The following MAL2 variants were observed in gnomAD, a reference collection of about 807,000 sequenced individuals.
MAL2 encodes protein MAL2.
In MAL2, 17 loss-of-function variants were observed where a neutral mutation model predicts 18.1. The observed-to-expected ratio is 0.94, with a 90% confidence interval of 0.64 to 1.41. The LOEUF (loss-of-function observed/expected upper bound fraction) is 1.41, where lower values mean the gene tolerates loss of function less well. Among genes scored for constraint, MAL2 ranks in the 40% most tolerant of loss-of-function variants. MAL2 has a pLI of 0.00. For synonymous variants in MAL2, 102 were observed against 102.3 expected (o/e 1.00, Z 0.02); for missense variants, 222 against 231.9 (o/e 0.96, Z 0.28).
chr8:119,237,879 A>G (rs1817946060), intron 2 of MAL2, among the ~76,000 whole-genome samples: 1 of 152,194 alleles, frequency 6.6e-6, no homozygotes, highest in Non-Finnish European at 1.5e-5. Flanking sequence ...AAACTGGCAC[A>G]AGACAGGGAT....
At chr8:119,222,898 A>C (rs1468340336) in intron 2 of MAL2, among the ~76,000 whole-genome samples, 2 of 152,076 alleles carry the variant, frequency 1.3e-5, no homozygotes, top group Non-Finnish European at 2.9e-5. Flanking sequence ...AATTAGATCA[A>C]CTTTTTGTTT....
intron 2 of MAL2, among the ~76,000 whole-genome samples, chr8:119,234,939 A>G (rs1385388992): frequency 1.3e-5 from 2 of 152,156 alleles, no homozygotes; most frequent in Non-Finnish European, 2.9e-5. Flanking sequence ...CTCACCAGCA[A>G]CGGAACAAAG....
chr8:119,220,275 TATC>T (rs1414058109), intron 1 of MAL2, among the ~76,000 whole-genome samples: 1 of 152,236 alleles, frequency 6.6e-6, no homozygotes, highest in African/African-American at 2.4e-5. Context: ...TACCAACTAT[TATC>T]ATGTCTACTT....
chr8:119,213,015 G>A (rs1183752806), intron 1 of MAL2, among the ~76,000 whole-genome samples: 1 of 152,190 alleles, frequency 6.6e-6, no homozygotes, highest in Non-Finnish European at 1.5e-5. Flanking sequence ...GGCAGGAAGA[G>A]CAGTTAGGGG....
chr8:119,237,091 A>T (rs1361491774), intron 2 of MAL2, among the ~76,000 whole-genome samples: 3 of 152,220 alleles, frequency 2.0e-5, no homozygotes, highest in Admixed American at 2.0e-4. Flanking sequence ...ACACAATAAA[A>T]AATGACAAAG....
At chr8:119,212,632 C>T (rs960609) in intron 1 of MAL2, among the ~76,000 whole-genome samples, 11,522 of 152,232 alleles carry the variant, frequency 0.076, 585 homozygotes, top group Middle Eastern at 0.14. Flanking sequence ...TAGAGTACAT[C>T]TGACTTCTGG....
chr8:119,230,786 G>A (rs368053671), intron 2 of MAL2, among the ~76,000 whole-genome samples: 7 of 152,114 alleles, frequency 4.6e-5, no homozygotes, highest in African/African-American at 1.7e-4. Context: ...ATTAAAAATG[G>A]TGACATTTGA....
intron 1 of MAL2, among the ~76,000 whole-genome samples, chr8:119,212,963 C>T (rs977716061): frequency 1.3e-5 from 2 of 152,108 alleles, no homozygotes; most frequent in Non-Finnish European, 2.9e-5. Flanking sequence ...GTCTTAGAAA[C>T]CTTTGAGTGA....
intron 1 of MAL2, among the ~76,000 whole-genome samples, chr8:119,214,027 G>C (rs1210474270): frequency 1.3e-5 from 2 of 152,188 alleles, no homozygotes; most frequent in African/African-American, 4.8e-5. Context: ...ATAGAGAAGA[G>C]ATTTGTTTTG....
chr8:119,229,253 C>A (rs1425425270), intron 2 of MAL2, among the ~76,000 whole-genome samples: 2 of 151,672 alleles, frequency 1.3e-5, no homozygotes. Flanking sequence ...ATGGCCCTGA[C>A]AAGTACAGTA....
chr8:119,232,530 AACAT>A (rs1470456083), intron 2 of MAL2, among the ~76,000 whole-genome samples: 1 of 152,188 alleles, frequency 6.6e-6, no homozygotes, highest in African/African-American at 2.4e-5. Flanking sequence ...GAATGTCAGC[AACAT>A]ACAAAGAAGC....
chr8:119,227,321 GTTA>G lies in MAL2; in HGVS notation c.303+5567_303+5569del, dbSNP rs1306284627. ...GCTTTTTGTGCATTTTGTTGTTGTT[GTTA>G]TTGTTTAAGGGAAAGGGGAGATAAC... On this transcript the variant is annotated intron_variant, in intron 2 of 3. Transcript: ENST00000614891. Among the ~76,000 whole-genome samples, 5 of 152,222 alleles carry G rather than the reference GTTA, an allele frequency of 3.3e-5. No homozygotes were observed. The East Asian group carries it at 9.7e-4, about 29-fold the overall frequency.
chr8:119,231,671 A>G (rs1817732835), intron 2 of MAL2, among the ~76,000 whole-genome samples: 1 of 152,260 alleles, frequency 6.6e-6, no homozygotes, highest in Non-Finnish European at 1.5e-5. Context: ...CAAAACGCCA[A>G]GACATGGAAT....
In MAL2 at chr8:119,221,773, T is replaced by G; in HGVS notation, c.303+16T>G. 1 of 1,612,060 alleles carries G rather than the reference T, an allele frequency of 6.2e-7. No individual in the cohort carries two copies. Among genetic ancestry groups the G allele is most frequent in the South Asian group, 1.1e-5 (1 of 91,022 alleles). ...GAACTTCCTGGTAAGGACTTTTTAT[T>G]TTAAGTCTATTGCAGGAAGATGGGA... is the stretch of plus-strand genomic sequence containing the variant. On this transcript the variant is annotated intron_variant, in intron 2 of 3. Coordinates refer to ENST00000614891, the MANE Select transcript of MAL2 (RefSeq NM_052886.3).
At chr8:119,225,019 C>T (rs1159395916) in intron 2 of MAL2, among the ~76,000 whole-genome samples, 2 of 151,664 alleles carry the variant, frequency 1.3e-5, no homozygotes, top group Non-Finnish European at 2.9e-5. Flanking sequence ...TTTCTTGCTG[C>T]TGTTAATGTA....
chr8:119,240,019 C>G, intron 2 of MAL2, 146 bp from the exon 3 acceptor site: 1 of 880,132 alleles, frequency 1.1e-6, no homozygotes, highest in Non-Finnish European at 1.7e-6. Context: ...TCTAACATTT[C>G]TAAAGCAGCT....
chr8:119,229,388 T>C (rs1288593471), intron 2 of MAL2, among the ~76,000 whole-genome samples: 1 of 150,654 alleles, frequency 6.6e-6, no homozygotes, highest in Non-Finnish European at 1.5e-5. Flanking sequence ...TCTCTGCTCA[T>C]TGCAACCTCT....
chr8:119,225,717 C>G (rs976124332), intron 2 of MAL2, among the ~76,000 whole-genome samples: 1 of 152,210 alleles, frequency 6.6e-6, no homozygotes, highest in African/African-American at 2.4e-5. Context: ...AATGGTTGAA[C>G]TAGTTTACAT....
intron 2 of MAL2, among the ~76,000 whole-genome samples, chr8:119,226,829 T>C (rs751482378): frequency 6.6e-6 from 1 of 152,220 alleles, no homozygotes; most frequent in African/African-American, 2.4e-5. Flanking sequence ...GACTCAGCTG[T>C]CTTGTGTTTA....
Sources: gnomAD v4.1 joint callset for allele counts (sites outside exome capture counted in the v4.1 genomes callset) on GRCh38, gnomAD v4.1.1 for gene constraint, MANE v1.5 for transcripts, NCBI Gene and HGNC (gene_info 2026-07-23, HGNC 2026-07-21) for gene names.